GPHN: variants seen among roughly 807,000 people sequenced by gnomAD.
GPHN encodes gephyrin.
Under a neutral mutation model 95.5 loss-of-function variants are expected in GPHN, and 17 were observed. The ratio of observed to expected loss-of-function variants is 0.18; its 90% CI spans 0.12 to 0.27. GPHN has a LOEUF of 0.27. Ranked by LOEUF, GPHN falls within the 10% of genes least tolerant of loss-of-function variation. The pLI, the probability that GPHN is intolerant of heterozygous loss-of-function variation, is 1.00. For missense variants in GPHN, 660 were observed against 978.1 expected (o/e 0.67, Z 4.34); for synonymous variants, 320 against 322.5 (o/e 0.99, Z 0.08).
At chr14:66,851,280 C>T (rs1042819391) in intron 4 of GPHN, among the ~76,000 whole-genome samples, 31 of 152,128 alleles carry the variant, frequency 2.0e-4, no homozygotes, top group Admixed American at 1.2e-3. Context: ...GGCCCTTGTT[C>T]CCCCTTACAG....
chr14:66,770,409 C>T (rs1356895436), intron 2 of GPHN, among the ~76,000 whole-genome samples: 3 of 152,134 alleles, frequency 2.0e-5, no homozygotes, highest in Non-Finnish European at 4.4e-5. Context: ...CTCATTCCTG[C>T]ATCCAGAATG....
At chr14:66,858,340 A>T (rs1222103563) in intron 4 of GPHN, among the ~76,000 whole-genome samples, 1 of 151,864 alleles carries the variant, frequency 6.6e-6, no homozygotes, top group African/African-American at 2.4e-5. Context: ...CCACAGTAGG[A>T]TAGGACACCA....
chr14:67,400,551 G>A, the GPHN span, among the ~76,000 whole-genome samples: 1 of 152,204 alleles, frequency 6.6e-6, no homozygotes, highest in Non-Finnish European at 1.5e-5. Flanking sequence ...GGCAGCACTA[G>A]CAGGACTGGT....
At chr14:66,837,654 TAAAA>T (rs931260411) in intron 4 of GPHN, among the ~76,000 whole-genome samples, 2 of 139,004 alleles carry the variant, frequency 1.4e-5, no homozygotes, top group Non-Finnish European at 3.1e-5. Context: ...AATAAATAAA[TAAAA>T]AGACTGTTAA....
At position 66,681,169 on chromosome 14, in the gene GPHN, G is replaced by T. The variant is rs117256383; in HGVS notation, c.127G>T (p.Val43Leu). 0.01 allele frequency: 16,403 copies of T among 1,585,048 alleles called. 115 individuals are homozygous for T. Among genetic ancestry groups the T allele is most frequent in the Non-Finnish European group, 0.013 (14,541 of 1,155,014 alleles). The change falls in exon 2 of 23, where the codon GTA (valine) becomes TTA (leucine). Residue 43 changes from valine (V) to leucine (L), a missense_variant. Physicochemically the swap from Val to Leu is conservative, Grantham distance 32 (BLOSUM62 1). Transcript: ENST00000478722. ...CAGTGGGATAAATCTCAAAGATCTC[G>T]TACAAGATCCTTCTTTGTGAGTATT... ...DRSGINLKDL[V>L]QDPSLLGGTI...
the GPHN span, among the ~76,000 whole-genome samples, chr14:67,437,049 C>G: frequency 0.014 from 2,184 of 152,284 alleles, 59 homozygotes; most frequent in African/African-American, 0.05. Flanking sequence ...CAGCCAGACC[C>G]TGTCTCAAAA....
the GPHN span, among the ~76,000 whole-genome samples, chr14:67,236,104 T>G: frequency 6.6e-6 from 1 of 152,202 alleles, no homozygotes; most frequent in Non-Finnish European, 1.5e-5. Context: ...TAAAATCTAG[T>G]CTCTTAAGTA....
chr14:67,577,341 A>G, the GPHN span: 141 of 1,584,288 alleles, frequency 8.9e-5, no homozygotes, highest in African/African-American at 1.7e-3. Flanking sequence ...TGCTACAGCA[A>G]AGACGGCCTA....
At chr14:66,610,172 G>C (rs1287497297) in intron 1 of GPHN, among the ~76,000 whole-genome samples, 1 of 152,102 alleles carries the variant, frequency 6.6e-6, no homozygotes, top group African/African-American at 2.4e-5. Context: ...TTCTTTCCCT[G>C]GGTTTCACAG....
the GPHN span, among the ~76,000 whole-genome samples, chr14:67,409,665 T>C: frequency 6.6e-6 from 1 of 152,110 alleles, no homozygotes; most frequent in Non-Finnish European, 1.5e-5. Flanking sequence ...TTCTTTCTCG[T>C]CTGGGTGGGA....
chr14:67,255,017 C>T, the GPHN span, among the ~76,000 whole-genome samples: 16 of 152,228 alleles, frequency 1.1e-4, no homozygotes, highest in East Asian at 1.9e-4. Flanking sequence ...GGTGTGGTGG[C>T]GCACGCCTGT....
At chr14:66,618,722 T>G (rs1375885305) in intron 1 of GPHN, among the ~76,000 whole-genome samples, 1 of 152,196 alleles carries the variant, frequency 6.6e-6, no homozygotes, top group Non-Finnish European at 1.5e-5. Flanking sequence ...GCTAGAATCC[T>G]GGGTTGGAGT....
intron 11 of GPHN, among the ~76,000 whole-genome samples, chr14:67,081,853 G>A (rs774063073): frequency 6.6e-6 from 1 of 152,136 alleles, no homozygotes; most frequent in Non-Finnish European, 1.5e-5. Context: ...GTTGAATAGG[G>A]TGTCCTTTCC....
chr14:66,675,579 T>G (rs2066540827), intron 1 of GPHN, among the ~76,000 whole-genome samples: 1 of 152,232 alleles, frequency 6.6e-6, no homozygotes, highest in African/African-American at 2.4e-5. Flanking sequence ...TTTACTCTGT[T>G]GATCTTCTTT....
chr14:66,709,802 G>A (rs945946646), intron 2 of GPHN, among the ~76,000 whole-genome samples: 6 of 151,980 alleles, frequency 3.9e-5, no homozygotes, highest in African/African-American at 1.4e-4. Context: ...TCCAAAAAAA[G>A]GACAAAGCAC....
chr14:67,710,011 T>C, the GPHN span, among the ~76,000 whole-genome samples: 1 of 152,206 alleles, frequency 6.6e-6, no homozygotes, highest in Non-Finnish European at 1.5e-5. Context: ...AATGTAACCG[T>C]TTGTTTACTA....
At chr14:67,244,648 A>G in the GPHN span, among the ~76,000 whole-genome samples, 3 of 152,242 alleles carry the variant, frequency 2.0e-5, no homozygotes, top group Non-Finnish European at 2.9e-5. Context: ...GTGACTGAAT[A>G]AAGTGGCTGT....
intron 12 of GPHN, among the ~76,000 whole-genome samples, chr14:67,090,485 T>A (rs907268032): frequency 1.3e-5 from 2 of 152,100 alleles, no homozygotes; most frequent in South Asian, 4.1e-4. Flanking sequence ...GTGTATAGGA[T>A]ATATATGAAA....
At chr14:67,169,732 A>G (rs1300825444) in intron 21 of GPHN, among the ~76,000 whole-genome samples, 18 of 152,246 alleles carry the variant, frequency 1.2e-4, no homozygotes, top group Admixed American at 6.5e-5. Context: ...AGTAAATTCA[A>G]ATATGGCAGA....
Sources: allele counts gnomAD v4.1 joint callset (sites outside exome capture counted in the v4.1 genomes callset), GRCh38; gene constraint gnomAD v4.1.1; transcripts MANE v1.5; gene names NCBI Gene and HGNC (gene_info 2026-07-23, HGNC 2026-07-21).